The following ARHGAP24 variants were observed in gnomAD, a reference collection of about 807,000 sequenced individuals.
ARHGAP24 encodes the protein Rho GTPase activating protein 24, also known as rho GTPase-activating protein 24.
Under a neutral mutation model 76.4 loss-of-function variants are expected in ARHGAP24, and 50 were observed. The ratio of observed to expected loss-of-function variants is 0.65; its 90% CI spans 0.52 to 0.83. The LOEUF (loss-of-function observed/expected upper bound fraction) is 0.83. Ranked by LOEUF, ARHGAP24 falls within the 40% of genes least tolerant of loss-of-function variation. ARHGAP24 has a pLI of 0.00. For missense variants in ARHGAP24, 930 were observed against 914.2 expected (o/e 1.02, Z -0.22); for synonymous variants, 345 against 323.3 (o/e 1.07, Z -0.72).
chr4:85,927,082 A>G (rs960706386), intron 4 of ARHGAP24, among the ~76,000 whole-genome samples: 7 of 152,192 alleles, frequency 4.6e-5, no homozygotes, highest in African/African-American at 1.7e-4. Flanking sequence ...ATCTGAAACA[A>G]CCCAAATGTC....
chr4:85,584,867 A>G lies in ARHGAP24; in HGVS notation c.180+14146A>G, dbSNP rs367722006. On this transcript the variant is annotated intron_variant, in intron 2 of 9. Coordinates refer to ENST00000395184, the MANE Select transcript of ARHGAP24 (RefSeq NM_001025616.3). The stretch of plus-strand genomic sequence containing the variant: ...CCTCTTTGAAATCATGACAATTTAG[A>G]GGCATCCTGGGGGTTCTAGTAATTA... Among the ~76,000 whole-genome samples, 40 of 152,252 alleles carry G rather than the reference A, an allele frequency of 2.6e-4. No homozygotes were observed. In the East Asian group the frequency reaches 3.9e-3, roughly 15 times the overall value.
At chr4:85,791,072 A>G (rs943681711) in intron 3 of ARHGAP24, among the ~76,000 whole-genome samples, 8 of 152,208 alleles carry the variant, frequency 5.3e-5, no homozygotes, top group African/African-American at 1.9e-4. Flanking sequence ...TGAGAATCCA[A>G]TGCTAGTCAA....
chr4:85,555,784 G>T (rs1726332737), intron 1 of ARHGAP24, among the ~76,000 whole-genome samples: 1 of 152,218 alleles, frequency 6.6e-6, no homozygotes, highest in South Asian at 2.1e-4. Flanking sequence ...CCCAGTTGGG[G>T]CTATCAGCCT....
At chr4:85,989,538 G>A (rs1740200438) in intron 8 of ARHGAP24, among the ~76,000 whole-genome samples, 1 of 151,684 alleles carries the variant, frequency 6.6e-6, no homozygotes, top group African/African-American at 2.4e-5. Context: ...CTAATTTTAT[G>A]AGGGCAGTGT....
chr4:85,992,282 C>A (rs1205432887), intron 8 of ARHGAP24: 1 of 392,724 alleles, frequency 2.5e-6, no homozygotes, highest in Non-Finnish European at 4.5e-6. Flanking sequence ...CTAAGAAAGT[C>A]TCTTTACAAG....
chr4:85,979,925 C>T (rs1183090105), intron 8 of ARHGAP24, among the ~76,000 whole-genome samples: 1 of 152,194 alleles, frequency 6.6e-6, no homozygotes, highest in Non-Finnish European at 1.5e-5. Flanking sequence ...TACTGTCCTT[C>T]ACTGAATCTC....
intron 2 of ARHGAP24, among the ~76,000 whole-genome samples, chr4:85,628,042 C>T (rs1054953807): frequency 1.3e-5 from 2 of 152,300 alleles, no homozygotes; most frequent in South Asian, 2.1e-4. Flanking sequence ...GGTGATGCCT[C>T]GCCCTGCTTC....
At chr4:85,691,706 C>G (rs1326200625) in intron 2 of ARHGAP24, among the ~76,000 whole-genome samples, 1 of 152,150 alleles carries the variant, frequency 6.6e-6, no homozygotes, top group Non-Finnish European at 1.5e-5. Flanking sequence ...TTTCTCCATC[C>G]CTTTACTTTG....
chr4:85,817,650 G>C (rs1173019604), intron 3 of ARHGAP24, among the ~76,000 whole-genome samples: 1 of 152,116 alleles, frequency 6.6e-6, no homozygotes, highest in African/African-American at 2.4e-5. Flanking sequence ...TTTGACATCT[G>C]ATTGTATTAT....
intron 3 of ARHGAP24, among the ~76,000 whole-genome samples, chr4:85,859,212 T>TACACACACACACACACACACAC (rs10645010): frequency 9.0e-4 from 131 of 145,538 alleles, no homozygotes; most frequent in South Asian, 2.0e-3. Flanking sequence ...GCCACATGCA[T>TACACACACACACACACACACAC]ACACACACAC....
At chr4:85,974,802 T>G in intron 6 of ARHGAP24, 86 bp from the exon 7 acceptor site, 1 of 1,295,960 alleles carries the variant, frequency 7.7e-7, no homozygotes, top group Non-Finnish European at 1.1e-6. Context: ...ACTAATTTTT[T>G]AAAAAATTAT....
At chr4:85,597,278 A>G (rs890399013) in intron 2 of ARHGAP24, among the ~76,000 whole-genome samples, 1 of 152,078 alleles carries the variant, frequency 6.6e-6, no homozygotes, top group East Asian at 1.9e-4. Flanking sequence ...TTCTTCATTT[A>G]TAGGGAGTTA....
At chr4:85,669,030 G>A (rs993304292) in intron 2 of ARHGAP24, among the ~76,000 whole-genome samples, 4 of 152,136 alleles carry the variant, frequency 2.6e-5, no homozygotes, top group Non-Finnish European at 5.9e-5. Flanking sequence ...CTTTGTGTGT[G>A]TGTGTGATTC....
At chr4:85,952,188 G>A (rs985304997) in intron 5 of ARHGAP24, among the ~76,000 whole-genome samples, 8 of 152,034 alleles carry the variant, frequency 5.3e-5, no homozygotes, top group South Asian at 2.1e-4. Flanking sequence ...AAAATATATC[G>A]GAACCATACA....
chr4:85,643,250 T>C lies in ARHGAP24; in HGVS notation c.180+72529T>C, dbSNP rs1393653699. 8.3e-5 allele frequency among the ~76,000 whole-genome samples: 4 copies of C among 48,224 alleles called. 1 individual carries two copies. Among genetic ancestry groups the C allele is most frequent in the Non-Finnish European group, 1.5e-4 (4 of 26,138 alleles). 31.6% of individuals were successfully genotyped at this position (48,224 alleles called of 152,430 possible). A position where few individuals can be genotyped will look rare whatever the true frequency, so the allele number is the denominator to read the frequency against. On this transcript the variant is annotated intron_variant, in intron 2 of 9. Coordinates refer to ENST00000395184, the MANE Select transcript of ARHGAP24 (RefSeq NM_001025616.3). ...TTTTTTTGTGTTTTTTTTTTTTTTT[T>C]TTTTTTTTTTTTTTTTTTTGAGACG...
intron 2 of ARHGAP24, among the ~76,000 whole-genome samples, chr4:85,609,755 A>G (rs1392526856): frequency 6.6e-6 from 1 of 152,196 alleles, no homozygotes; most frequent in African/African-American, 2.4e-5. Context: ...CTTAATGGAT[A>G]TATACATTGT....
intron 2 of ARHGAP24, among the ~76,000 whole-genome samples, chr4:85,643,629 T>C (rs913880367): frequency 8.5e-5 from 13 of 152,172 alleles, no homozygotes; most frequent in Non-Finnish European, 1.6e-4. Context: ...TTATGCTTAT[T>C]ATTTACTATT....
At chr4:85,499,839 G>T (rs1723732053) in intron 1 of ARHGAP24, among the ~76,000 whole-genome samples, 1 of 152,148 alleles carries the variant, frequency 6.6e-6, no homozygotes, top group Non-Finnish European at 1.5e-5. Context: ...GAGTTTTTAA[G>T]TTTCTAACTT....
At chr4:85,533,670 T>A (rs561912869) in intron 1 of ARHGAP24, among the ~76,000 whole-genome samples, 1 of 152,194 alleles carries the variant, frequency 6.6e-6, no homozygotes, top group Non-Finnish European at 1.5e-5. Context: ...CTGAAATATA[T>A]CTTTCAGTCT....
Sources: gnomAD v4.1 joint callset for allele counts (sites outside exome capture counted in the v4.1 genomes callset) on GRCh38, gnomAD v4.1.1 for gene constraint, MANE v1.5 for transcripts, NCBI Gene and HGNC (gene_info 2026-07-23, HGNC 2026-07-21) for gene names.